The following ITSN1 variants were observed in gnomAD, a reference collection of about 807,000 sequenced individuals.
ITSN1 encodes intersectin-1.
In ITSN1, 58 loss-of-function variants were observed where a neutral mutation model predicts 239.8. The ratio of observed to expected loss-of-function variants is 0.24; its 90% CI spans 0.20 to 0.30. The LOEUF (loss-of-function observed/expected upper bound fraction) is 0.30. Among genes scored for constraint, ITSN1 ranks in the 10% least tolerant of loss-of-function variants. ITSN1 has a pLI of 1.00. For missense variants in ITSN1, 1,558 were observed against 2,103.3 expected, an observed-to-expected ratio of 0.74 and a Z score of 5.07; for synonymous variants, 780 against 770.8, an observed-to-expected ratio of 1.01 and a Z score of -0.20.
intron 1 of ITSN1, among the ~76,000 whole-genome samples, chr21:33,688,100 A>AG (rs1263465147): frequency 1.3e-5 from 2 of 151,840 alleles, no homozygotes. Flanking sequence ...TTTTTCTTGA[A>AG]AAGGCATGTG....
chr21:33,826,568 T>C (rs772562691), intron 25 of ITSN1, among the ~76,000 whole-genome samples: 1 of 152,242 alleles, frequency 6.6e-6, no homozygotes, highest in Non-Finnish European at 1.5e-5. Flanking sequence ...TGGAGCCCTC[T>C]GGGCTCTTAC....
chr21:33,789,743 C>G (rs2070959692), intron 16 of ITSN1, among the ~76,000 whole-genome samples: 1 of 152,160 alleles, frequency 6.6e-6, no homozygotes, highest in Non-Finnish European at 1.5e-5. Context: ...GAGAAACAGT[C>G]ACAGTTATTA....
intron 19 of ITSN1, 83 bp from the exon 20 acceptor site, chr21:33,802,347 G>A: frequency 7.3e-7 from 1 of 1,366,306 alleles, no homozygotes; most frequent in African/African-American, 1.4e-5. Context: ...GAGATGCGTA[G>A]AGTTTAGATA....
chr21:33,860,032 C>CT (rs1306164172), intron 31 of ITSN1, among the ~76,000 whole-genome samples: 1 of 152,170 alleles, frequency 6.6e-6, no homozygotes, highest in African/African-American at 2.4e-5. Context: ...GATAGCTGGG[C>CT]ACAGTGGCTC....
rs553070123 is a variant in ITSN1, at chr21:33,776,849, C to T, written c.1596+1741C>T. ...ATACGTGTTTTGCAAATATTTTCTC[C>T]CAATCTGGCTTGGGTTTAATTTTTG... On this transcript the variant is annotated intron_variant, in intron 14 of 39. Coordinates refer to ENST00000381318, the MANE Select transcript of ITSN1 (RefSeq NM_003024.3). Among the ~76,000 whole-genome samples the T allele has an allele frequency of 2.4e-4, 37 of 152,010 alleles. 1 individual carries two copies. In the South Asian group the frequency reaches 7.7e-3, roughly 32 times the overall value.
At chr21:33,670,602 A>G (rs962115924) in intron 1 of ITSN1, among the ~76,000 whole-genome samples, 2 of 152,178 alleles carry the variant, frequency 1.3e-5, no homozygotes, top group Non-Finnish European at 2.9e-5. Context: ...TCCAGTGCAT[A>G]CATGCATGAA....
rs2087491477 is a variant in ITSN1, at chr21:33,642,649, C to G, written c.-97C>G. The stretch of plus-strand genomic sequence containing the variant: ...CGGGGCTGCGGCTCCTGCGTCCCTC[C>G]CAGCGGCGCGTGAGCGGCACTGATT... On this transcript the variant is annotated 5_prime_UTR_variant, in exon 1 of 40. Coordinates refer to ENST00000381318, the MANE Select transcript of ITSN1 (RefSeq NM_003024.3). 6.5e-6 allele frequency: 1 copy of G among 153,022 alleles called. No individual in the cohort carries two copies. The highest frequency in any genetic ancestry group is 2.4e-5 in the African/African-American group (1 of 41,558). The allele number at this position is 153,022 out of a possible 1,614,324, so 9.5% of individuals were successfully genotyped here.
Position 33,882,491 on chromosome 21 carries a change from G to A in ITSN1, c.4554+36G>A. On this transcript the variant is annotated intron_variant, in intron 35 of 39. Transcript: ENST00000381318. The surrounding 1 kb of genome is among the most constrained non-coding windows in gnomAD (Gnocchi z 4.5). Reference sequence around the variant, plus strand: ...TTCTAGATTTTGCATTATCAGGGTTGACGTGTTTGGGGAGGAAGAAGTTTC... The same window carrying A: ...TTCTAGATTTTGCATTATCAGGGTTAACGTGTTTGGGGAGGAAGAAGTTTC... The A allele has an allele frequency of 6.3e-7, 1 of 1,578,650 alleles. No individual in the cohort carries two copies. Among genetic ancestry groups the A allele is most frequent in the Non-Finnish European group, 8.7e-7 (1 of 1,150,824 alleles).
At chr21:33,786,049 T>A (rs1249569728) in intron 16 of ITSN1, among the ~76,000 whole-genome samples, 1 of 152,178 alleles carries the variant, frequency 6.6e-6, no homozygotes, top group Non-Finnish European at 1.5e-5. Context: ...ATATTGAAGC[T>A]CTTATCCTAC....
intron 1 of ITSN1, among the ~76,000 whole-genome samples, chr21:33,693,997 G>T (rs904060822): frequency 6.6e-6 from 1 of 152,018 alleles, no homozygotes; most frequent in African/African-American, 2.4e-5. Context: ...ATTTTTAATT[G>T]TCATATATTT....
chr21:33,866,419 C>T (rs1981591169), intron 32 of ITSN1, among the ~76,000 whole-genome samples: 1 of 151,976 alleles, frequency 6.6e-6, no homozygotes, highest in Non-Finnish European at 1.5e-5. Flanking sequence ...AAGATGAGTT[C>T]ATTGTTGGAT....
rs1420431543 is a variant in ITSN1 at position 33,762,734 on chromosome 21, GC to G, written c.788+749del. 2.6e-5 allele frequency among the ~76,000 whole-genome samples: 4 copies of G among 151,634 alleles called. No homozygotes were observed. In the East Asian group the frequency reaches 7.8e-4, roughly 29 times the overall value. ...TCCAGATGGCAGTGGTGCCATCTTG[GC>G]TCACTGCAACCTCCACTTCCCAGGT... On this transcript the variant is annotated intron_variant, in intron 9 of 39. Coordinates refer to ENST00000381318, the MANE Select transcript of ITSN1 (RefSeq NM_003024.3).
In ITSN1 at chr21:33,895,221, G is replaced by A. The variant is rs903452047; in HGVS notation, c.*6921G>A. 3.3e-5 allele frequency: 5 copies of A among 152,314 alleles called. No individual in the cohort carries two copies. The highest frequency in any genetic ancestry group is 1.2e-4 in the African/African-American group (5 of 41,458). The allele number at this position is 152,314 out of a possible 1,614,324, so 9.4% of individuals were successfully genotyped here. A position where few individuals can be genotyped will look rare whatever the true frequency, so the allele number is the denominator to read the frequency against. ...CCACCCTTTCTGCATCAGCTTTAGT[G>A]TCTGTCGGCTGGGTGGACTGCAGGG... On this transcript the variant is annotated 3_prime_UTR_variant, in exon 40 of 40. Transcript: ENST00000381318.
At chr21:33,795,058 G>A (rs2071432843) in intron 17 of ITSN1, among the ~76,000 whole-genome samples, 1 of 152,084 alleles carries the variant, frequency 6.6e-6, no homozygotes, top group Non-Finnish European at 1.5e-5. Flanking sequence ...TTGTTACTGG[G>A]TATTTGCCTT....
chr21:33,725,190 C>T (rs1345707492), intron 4 of ITSN1, among the ~76,000 whole-genome samples: 1 of 119,938 alleles, frequency 8.3e-6, no homozygotes, highest in Non-Finnish European at 1.6e-5. Flanking sequence ...GGCTGGATTG[C>T]AATGGCACGA....
Position 33,750,192 on chromosome 21 carries a change from G to A in ITSN1, c.396G>A (p.Val132=). The A allele has an allele frequency of 1.2e-6, 2 of 1,614,136 alleles. No individual in the cohort carries two copies. The highest frequency in any genetic ancestry group is 1.7e-6 in the Non-Finnish European group (2 of 1,180,028). ...SMPPLTAVAP[V]PMGSIPVVGM... ...CACCGCTTACAGCTGTTGCTCCAGT[G>A]CCAATGGGATCCATTCCAGTTGTTG... Residue 132 remains valine, a synonymous_variant, in exon 6 of 40, where the codon GTG becomes GTA. Coordinates refer to ENST00000381318, the MANE Select transcript of ITSN1 (RefSeq NM_003024.3).
rs542607360 is a variant in ITSN1 at position 33,717,824 on chromosome 21, C to G, written c.-32-973C>G. On this transcript the variant is annotated intron_variant, in intron 1 of 39. Coordinates refer to ENST00000381318, the MANE Select transcript of ITSN1 (RefSeq NM_003024.3). The stretch of plus-strand genomic sequence containing the variant: ...CCTTGTGATCCGCCCGCCTTGGCCT[C>G]CCAAAGTTCTGGGATTACAGGCGTG... 2.0e-5 allele frequency among the ~76,000 whole-genome samples: 3 copies of G among 152,280 alleles called. No homozygotes were observed. The East Asian group carries it at 5.8e-4, about 29-fold the overall frequency.
At chr21:33,740,197 T>A (rs948669646) in intron 5 of ITSN1, among the ~76,000 whole-genome samples, 19 of 152,184 alleles carry the variant, frequency 1.2e-4, no homozygotes, top group Non-Finnish European at 1.0e-4. Flanking sequence ...TCCTAGTAGA[T>A]TTCCGAGTTG....
At chr21:33,678,332 T>C (rs1394415169) in intron 1 of ITSN1, among the ~76,000 whole-genome samples, 1 of 152,240 alleles carries the variant, frequency 6.6e-6, no homozygotes, top group African/African-American at 2.4e-5. Flanking sequence ...TAACCTTACT[T>C]ATTTTCTTAA....
Sources: allele counts gnomAD v4.1 joint callset (sites outside exome capture counted in the v4.1 genomes callset), GRCh38; gene constraint gnomAD v4.1.1; non-coding constraint Gnocchi (gnomAD v3.1); transcripts MANE v1.5; gene names NCBI Gene and HGNC (gene_info 2026-07-23, HGNC 2026-07-21).